Variants in KCNB2 observed in about 807,000 individuals in gnomAD.
The protein encoded by KCNB2 is potassium voltage-gated channel subfamily B member 2, also known as delayed rectifier potassium channel protein.
In KCNB2, 15 loss-of-function variants were observed where a neutral mutation model predicts 61.5. That is an observed-to-expected ratio of 0.24 (90% CI 0.16 to 0.38). KCNB2 has a LOEUF of 0.38. Among genes scored for constraint, KCNB2 ranks in the 10% least tolerant of loss-of-function variants. The probability of loss-of-function intolerance (pLI) is 1.00; values close to 1 mark genes in which losing one functional copy is unlikely to be tolerated. For synonymous variants in KCNB2, 457 were observed against 446.0 expected, an observed-to-expected ratio of 1.02 and a Z score of -0.31; for missense variants, 828 against 1,125.2, an observed-to-expected ratio of 0.74 and a Z score of 3.78.
chr8:72,808,550 C>A (rs1809258979), intron 2 of KCNB2, among the ~76,000 whole-genome samples: 1 of 152,114 alleles, frequency 6.6e-6, no homozygotes, highest in Non-Finnish European at 1.5e-5. Flanking sequence ...TAAGTGTGAT[C>A]TAGAATCCAT....
intron 2 of KCNB2, among the ~76,000 whole-genome samples, chr8:72,590,615 T>C (rs949386048): frequency 1.3e-5 from 2 of 152,186 alleles, no homozygotes; most frequent in African/African-American, 2.4e-5. Context: ...TTGATTTGGG[T>C]CAAATCATTC....
rs537542037 is a variant in KCNB2 at position 72,917,437 on chromosome 8, T to C, written c.580-18498T>C. On this transcript the variant is annotated intron_variant, in intron 2 of 2. Coordinates refer to ENST00000523207, the MANE Select transcript of KCNB2 (RefSeq NM_004770.3). ...TATGAATAATAGAGAATTTATGCTGTTATTAAATGAACATATGGTTATTTT... is the reference window on the plus strand; with the variant it reads ...TATGAATAATAGAGAATTTATGCTGCTATTAAATGAACATATGGTTATTTT... Among the ~76,000 whole-genome samples, 4 of 152,324 alleles carry C rather than the reference T, an allele frequency of 2.6e-5. No individual in the cohort carries two copies. In the East Asian group the frequency reaches 7.7e-4, roughly 29 times the overall value.
At chr8:72,584,522 C>T (rs1806966515) in intron 2 of KCNB2, among the ~76,000 whole-genome samples, 1 of 152,092 alleles carries the variant, frequency 6.6e-6, no homozygotes, top group Admixed American at 6.5e-5. Flanking sequence ...ACTTCCGTAA[C>T]TATAAATAGC....
chr8:72,597,100 T>C (rs747670773), intron 2 of KCNB2, among the ~76,000 whole-genome samples: 16 of 142,654 alleles, frequency 1.1e-4, no homozygotes, highest in Non-Finnish European at 1.8e-4. Context: ...CTCGGCTCAC[T>C]GCAACATTCG....
intron 2 of KCNB2, among the ~76,000 whole-genome samples, chr8:72,757,475 T>C (rs141374336): frequency 1.3e-4 from 20 of 152,238 alleles, no homozygotes; most frequent in African/African-American, 4.6e-4. Flanking sequence ...GGTGAATTTA[T>C]AAGGTATAGG....
intron 2 of KCNB2, among the ~76,000 whole-genome samples, chr8:72,837,101 T>A (rs6988673): frequency 0.85 from 129,812 of 152,196 alleles, 56,325 homozygotes; most frequent in Middle Eastern, 0.97. Context: ...TTCAATATAT[T>A]TAGAATTAGA....
chr8:72,714,669 A>G (rs1563568223), intron 2 of KCNB2, among the ~76,000 whole-genome samples: 1 of 152,218 alleles, frequency 6.6e-6, no homozygotes, highest in Admixed American at 6.5e-5. Flanking sequence ...AGCACTAAAC[A>G]TGGAAAGGAA....
chr8:72,592,573 A>G (rs564540514), intron 2 of KCNB2, among the ~76,000 whole-genome samples: 1 of 152,084 alleles, frequency 6.6e-6, no homozygotes, highest in Non-Finnish European at 1.5e-5. Flanking sequence ...TGGCCACATG[A>G]TATACATTGG....
At chr8:72,739,773 T>C (rs140609918) in intron 2 of KCNB2, among the ~76,000 whole-genome samples, 267 of 152,236 alleles carry the variant, frequency 1.8e-3, no homozygotes, top group African/African-American at 6.2e-3. Context: ...TTGGAAGAAA[T>C]AGAAAGGGTA....
intron 2 of KCNB2, among the ~76,000 whole-genome samples, chr8:72,704,897 A>G (rs1043209161): frequency 6.6e-6 from 1 of 152,164 alleles, no homozygotes; most frequent in Admixed American, 6.5e-5. Context: ...ATTCCTTATA[A>G]TACCTAATAC....
intron 2 of KCNB2, among the ~76,000 whole-genome samples, chr8:72,632,160 C>T (rs1805891794): frequency 6.6e-6 from 1 of 151,916 alleles, no homozygotes; most frequent in Non-Finnish European, 1.5e-5. Flanking sequence ...GTGGGAGGAT[C>T]ACATGAGCCC....
chr8:72,845,043 T>G (rs1419527364), intron 2 of KCNB2, among the ~76,000 whole-genome samples: 8 of 152,238 alleles, frequency 5.3e-5, no homozygotes, highest in Non-Finnish European at 5.9e-5. Context: ...ATTTTCAGCC[T>G]TTTTGTGCTG....
At chr8:72,612,108 A>G (rs1316106093) in intron 2 of KCNB2, among the ~76,000 whole-genome samples, 3 of 152,222 alleles carry the variant, frequency 2.0e-5, no homozygotes, top group Non-Finnish European at 4.4e-5. Flanking sequence ...TGCAATCATT[A>G]TAAGATTTTA....
At chr8:72,642,396 A>G (rs1036089885) in intron 2 of KCNB2, among the ~76,000 whole-genome samples, 1 of 152,110 alleles carries the variant, frequency 6.6e-6, no homozygotes, top group Non-Finnish European at 1.5e-5. Context: ...CTTCTATTGA[A>G]TTTCTAGTAG....
At chr8:72,647,143 T>C (rs975499263) in intron 2 of KCNB2, among the ~76,000 whole-genome samples, 2 of 152,224 alleles carry the variant, frequency 1.3e-5, no homozygotes, top group African/African-American at 4.8e-5. Flanking sequence ...GAATCTTCCA[T>C]GTCCTAAAAT....
chr8:72,727,820 A>G (rs899658738), intron 2 of KCNB2, among the ~76,000 whole-genome samples: 36 of 152,238 alleles, frequency 2.4e-4, no homozygotes, highest in African/African-American at 8.4e-4. Context: ...TAAGAAGGAA[A>G]TAGACTTGCT....
At chr8:72,662,152 T>A (rs1174523519) in intron 2 of KCNB2, among the ~76,000 whole-genome samples, 1 of 152,144 alleles carries the variant, frequency 6.6e-6, no homozygotes, top group East Asian at 1.9e-4. Flanking sequence ...CCCATAGCAA[T>A]CCATGGGCTC....
chr8:72,582,648 T>G (rs911960256), intron 2 of KCNB2, among the ~76,000 whole-genome samples: 1 of 152,228 alleles, frequency 6.6e-6, no homozygotes, highest in Non-Finnish European at 1.5e-5. Context: ...GATCTTGCTC[T>G]TTTCCTCAGG....
chr8:72,900,679 G>A (rs899411854), intron 2 of KCNB2, among the ~76,000 whole-genome samples: 2 of 152,018 alleles, frequency 1.3e-5, no homozygotes, highest in Admixed American at 6.6e-5. Context: ...ATAAAAAATG[G>A]GCAAAAGACA....
Sources: gnomAD v4.1 joint callset for allele counts (sites outside exome capture counted in the v4.1 genomes callset) on GRCh38, gnomAD v4.1.1 for gene constraint, MANE v1.5 for transcripts, NCBI Gene and HGNC (gene_info 2026-07-23, HGNC 2026-07-21) for gene names.